Variants in DARS2 observed in about 807,000 individuals in gnomAD.
DARS2 encodes aspartate--tRNA ligase, mitochondrial.
In DARS2, 63 loss-of-function variants were observed where a neutral mutation model predicts 83.0. The ratio of observed to expected loss-of-function variants is 0.76; its 90% confidence interval spans 0.62 to 0.94. DARS2 has a LOEUF of 0.94. Among genes scored for constraint, DARS2 ranks in the 40% least tolerant of loss-of-function variants. DARS2 has a pLI of 0.00. For missense variants in DARS2, 675 were observed against 774.4 expected (o/e 0.87, Z 1.52); for synonymous variants, 250 against 269.3 (o/e 0.93, Z 0.70).
rs770739756 is a variant in DARS2, at chr1:173,834,500, T to G, written c.644T>G (p.Leu215Trp). 2.5e-6 allele frequency: 4 copies of G among 1,607,016 alleles called. No individual in the cohort carries two copies. Among genetic ancestry groups the G allele is most frequent in the Non-Finnish European group, 3.4e-6 (4 of 1,173,794 alleles). Residue 215 changes from leucine to tryptophan, a missense_variant, in exon 7 of 17, where the codon TTG (leucine) becomes TGG (tryptophan). Coordinates refer to ENST00000649689, the MANE Select transcript of DARS2 (RefSeq NM_018122.5). ...TTTGTGGATATAGAAACCCCCACAT[T>G]GTTTAAGAGGACCCCAGGGGTATGT... ...HGFVDIETPT[L>W]FKRTPGGAKE... is the part of the protein sequence containing the mutation.
chr1:173,851,778 A>G, intron 13 of DARS2: 1 of 939,872 alleles, frequency 1.1e-6, no homozygotes, highest in African/African-American at 1.8e-5. Flanking sequence ...TCTAACTAGT[A>G]CTTCATCAAG....
intron 15 of DARS2, among the ~76,000 whole-genome samples, chr1:173,855,817 ATT>A (rs57005267): frequency 0.086 from 11,968 of 139,700 alleles, 671 homozygotes; most frequent in East Asian, 0.32. Context: ...CACGCCCAGC[ATT>A]TTTTTTTTTT....
chr1:173,830,592 C>G lies in DARS2; in HGVS notation c.295-68C>G. ...CTATTAACGTTTTTTAAACCATCTA[C>G]TTATAATTACTGAAGATTCCTGTAA... On this transcript the variant is annotated intron_variant, in intron 3 of 16. Transcript: ENST00000649689. 5 of 1,300,010 alleles carry G rather than the reference C, an allele frequency of 3.8e-6. No homozygotes were observed. The East Asian group carries it at 1.2e-4, about 30-fold the overall frequency. The allele number at this position is 1,300,010 out of a possible 1,614,324, so 80.5% of individuals were successfully genotyped here. A position where few individuals can be genotyped will look rare whatever the true frequency, so the allele number is the denominator to read the frequency against.
chr1:173,850,178 T>C, intron 12 of DARS2, 149 bp from the exon 13 acceptor site: 2 of 932,018 alleles, frequency 2.1e-6, no homozygotes, highest in South Asian at 1.8e-5. Flanking sequence ...CTTAGTATCA[T>C]TTTGAATGGG....
At chr1:173,839,342 T>C (rs770036780) in intron 9 of DARS2, 25 bp from the exon 10 acceptor site, 1 of 1,611,782 alleles carries the variant, frequency 6.2e-7, no homozygotes, top group Non-Finnish European at 8.5e-7. Context: ...GCTAAATTAG[T>C]TTCCATATGG....
At chr1:173,841,066 T>G in intron 11 of DARS2, 93 bp downstream of exon 11, 1 of 869,960 alleles carries the variant, frequency 1.1e-6, no homozygotes, top group Non-Finnish European at 1.9e-6. Flanking sequence ...GAAAGAACAA[T>G]TCTTTTTAAA....
At chr1:173,840,249 A>G (rs552737419) in intron 10 of DARS2, among the ~76,000 whole-genome samples, 1 of 152,126 alleles carries the variant, frequency 6.6e-6, no homozygotes, top group South Asian at 2.1e-4. Context: ...CTTTTTTTGT[A>G]TTTTTTTGAG....
chr1:173,852,082 G>C, intron 13 of DARS2: 1 of 985,386 alleles, frequency 1.0e-6, no homozygotes, highest in Non-Finnish European at 1.2e-6. Context: ...CCTTGAAAGA[G>C]AGCTAGAAAC....
chr1:173,843,360 A>G (rs954016352), intron 11 of DARS2, among the ~76,000 whole-genome samples: 1 of 152,162 alleles, frequency 6.6e-6, no homozygotes, highest in African/African-American at 2.4e-5. Context: ...GGAGTTCAAG[A>G]CCAGCCTGGC....
rs1064794825 is a variant in DARS2, at chr1:173,833,388, C to G, written c.505C>G (p.Leu169Val). 1.9e-6 allele frequency: 3 copies of G among 1,606,486 alleles called. No individual in the cohort carries two copies. Residue 169 changes from leucine (L) to valine (V), a missense_variant, in exon 6 of 17, where the codon CTT becomes GTT. Coordinates refer to ENST00000649689, the MANE Select transcript of DARS2 (RefSeq NM_018122.5). The stretch of plus-strand genomic sequence containing the variant: ...TCAATTTCTTTAGAAAACAGAGGCT[C>G]TTCGGTTGCAGTATCGCTACTTAGA... ...IKNFVKKTEA[L>V]RLQYRYLDLR...
rs759658461 is a variant in DARS2 at position 173,833,392 on chromosome 1, G to A, written c.509G>A (p.Arg170Gln). ...KNFVKKTEALRLQYRYLDLRS... is the reference protein window; with the variant it reads ...KNFVKKTEALQLQYRYLDLRS... Reference sequence around the variant, plus strand: ...TTTCTTTAGAAAACAGAGGCTCTTCGGTTGCAGTATCGCTACTTAGACTTG... The same window carrying A: ...TTTCTTTAGAAAACAGAGGCTCTTCAGTTGCAGTATCGCTACTTAGACTTG... Residue 170 changes from arginine to glutamine, a missense_variant, in exon 6 of 17, where the codon CGG becomes CAG. By Grantham distance (43) the Arg-to-Gln change is conservative. Coordinates refer to ENST00000649689, the MANE Select transcript of DARS2 (RefSeq NM_018122.5). 8.1e-6 allele frequency: 13 copies of A among 1,607,662 alleles called. No homozygotes were observed. The highest frequency in any genetic ancestry group is 4.5e-5 in the East Asian group (2 of 44,664).
chr1:173,833,367 T>C lies in DARS2; in HGVS notation c.493-9T>C. 6.4e-7 allele frequency: 1 copy of C among 1,568,206 alleles called. No homozygotes were observed. The highest frequency in any genetic ancestry group is 8.6e-7 in the Non-Finnish European group (1 of 1,157,600). On this transcript the variant is annotated splice_polypyrimidine_tract_variant and intron_variant, in intron 5 of 16. Transcript: ENST00000649689. ...ATATTTAAATATAAAAATCTTTCAA[T>C]TTCTTTAGAAAACAGAGGCTCTTCG...
intron 1 of DARS2, among the ~76,000 whole-genome samples, chr1:173,825,569 C>T (rs1652482383): frequency 6.6e-6 from 1 of 151,740 alleles, no homozygotes. Context: ...CCCGGGTTCA[C>T]GCCATTCTCC....
At chr1:173,832,910 CT>C (rs1652847900) in intron 5 of DARS2, among the ~76,000 whole-genome samples, 1 of 151,906 alleles carries the variant, frequency 6.6e-6, no homozygotes, top group African/African-American at 2.4e-5. Flanking sequence ...TCTGATGTAT[CT>C]TTTTTTAGGA....
At position 173,830,671 on chromosome 1, in the gene DARS2, T is replaced by C. The variant is rs1186208279; in HGVS notation, c.306T>C (p.Ser102=). The part of the protein sequence containing the change: ...VIIPQDESAA[S]VKKILCEAPV... The stretch of plus-strand genomic sequence containing the variant: ...CCCTTGTTCTGTAGTCGGCAGCCTC[T>C]GTGAAGAAGATTTTATGTGAAGCCC... The change falls in exon 4 of 17, where the codon TCT becomes TCC. Residue 102 remains serine (S), a synonymous_variant. Coordinates refer to ENST00000649689, the MANE Select transcript of DARS2 (RefSeq NM_018122.5). 2 of 1,613,752 alleles carry C rather than the reference T, an allele frequency of 1.2e-6. No homozygotes were observed. Among genetic ancestry groups the C allele is most frequent in the East Asian group, 4.5e-5 (2 of 44,890 alleles).
rs555583349 is a variant in DARS2, at chr1:173,857,857, A to G, written c.*152A>G. ...CAACATTCTTCACCACAACGAAGAA[A>G]CAGATAAAAGATACCCAATTTTGAC... On this transcript the variant is annotated 3_prime_UTR_variant, in exon 17 of 17. Transcript: ENST00000649689. The G allele has an allele frequency of 2.3e-6, 2 of 865,254 alleles. No homozygotes were observed. The highest frequency in any genetic ancestry group is 3.0e-5 in the South Asian group (2 of 66,480). 53.6% of individuals were successfully genotyped at this position (865,254 alleles called of 1,614,324 possible).
intron 12 of DARS2, among the ~76,000 whole-genome samples, chr1:173,850,017 C>A (rs920938346): frequency 6.6e-6 from 1 of 151,936 alleles, no homozygotes; most frequent in African/African-American, 2.4e-5. Flanking sequence ...AGAACTGGCA[C>A]AGCTACTTTT....
At chr1:173,835,791 C>G (rs1001378815) in intron 7 of DARS2, among the ~76,000 whole-genome samples, 14 of 151,892 alleles carry the variant, frequency 9.2e-5, no homozygotes, top group African/African-American at 3.4e-4. Context: ...CGGTGGTTCA[C>G]GCCTGTAATC....
intron 12 of DARS2, 69 bp from the exon 13 acceptor site, chr1:173,850,258 A>C: frequency 6.8e-7 from 1 of 1,470,044 alleles, no homozygotes; most frequent in South Asian, 1.3e-5. Flanking sequence ...TTTGTATTAT[A>C]AGAAGATAAA....
Sources: gnomAD v4.1 joint callset for allele counts (sites outside exome capture counted in the v4.1 genomes callset) on GRCh38, gnomAD v4.1.1 for gene constraint, MANE v1.5 for transcripts, NCBI Gene and HGNC (gene_info 2026-07-23, HGNC 2026-07-21) for gene names.